NPSR1: variants seen among roughly 807,000 people sequenced by gnomAD.
NPSR1 encodes the protein neuropeptide S receptor 1.
Under a neutral mutation model 46.9 loss-of-function variants are expected in NPSR1, and 48 were observed. The observed-to-expected ratio is 1.02, with a 90% confidence interval of 0.81 to 1.30. The LOEUF (loss-of-function observed/expected upper bound fraction) is 1.30, where lower values mean the gene tolerates loss of function less well. Among genes scored for constraint, NPSR1 ranks in the 50% most tolerant of loss-of-function variants. NPSR1 has a pLI of 0.00. For missense variants in NPSR1, 450 were observed against 449.5 expected (o/e 1.00, Z -0.01); for synonymous variants, 176 against 168.1 (o/e 1.05, Z -0.36).
At chr7:34,840,531 C>A (rs922189651) in intron 6 of NPSR1, among the ~76,000 whole-genome samples, 8 of 152,164 alleles carry the variant, frequency 5.3e-5, no homozygotes, top group Non-Finnish European at 1.0e-4. Flanking sequence ...GAGCAGGTAT[C>A]CCCGGGAAGA....
Position 34,861,655 on chromosome 7 carries a change from G to T in NPSR1, c.1025+12992G>T, listed in dbSNP as rs568122616. Among the ~76,000 whole-genome samples, 7 of 151,696 alleles carry T rather than the reference G, an allele frequency of 4.6e-5. 1 individual carries two copies. The highest frequency in any genetic ancestry group is 1.7e-4 in the African/African-American group (7 of 41,028). ...ACCAATAAATATTAGCTTAATGAAC[G>T]CACAGGTAATATTTACACATGGAGG... On this transcript the variant is annotated intron_variant, in intron 8 of 8. Coordinates refer to the NPSR1 transcript ENST00000359791.
At chr7:34,827,986 C>T (rs1789942002) in intron 5 of NPSR1, among the ~76,000 whole-genome samples, 1 of 152,166 alleles carries the variant, frequency 6.6e-6, no homozygotes, top group South Asian at 2.1e-4. Context: ...TTTCTGAAAT[C>T]ATACCATATT....
At chr7:34,755,786 GA>G (rs200013760) in intron 2 of NPSR1, among the ~76,000 whole-genome samples, 19 of 148,794 alleles carry the variant, frequency 1.3e-4, no homozygotes, top group East Asian at 7.8e-4. Flanking sequence ...CAAGCAGGCA[GA>G]AAAAAAAAAT....
chr7:34,696,824 A>G (rs1225275020), intron 2 of NPSR1, among the ~76,000 whole-genome samples: 2 of 152,046 alleles, frequency 1.3e-5, no homozygotes, highest in Non-Finnish European at 2.9e-5. Context: ...AAACACAAAT[A>G]CATAAAGCAC....
At position 34,658,239 on chromosome 7, in the gene NPSR1, A is replaced by T; in HGVS notation, c.-174A>T. 1.6e-6 allele frequency: 1 copy of T among 643,402 alleles called. No homozygotes were observed. Among genetic ancestry groups the T allele is most frequent in the East Asian group, 2.8e-5 (1 of 35,802 alleles). The allele number at this position is 643,402 out of a possible 1,614,324, so 39.9% of individuals were successfully genotyped here. A position where few individuals can be genotyped will look rare whatever the true frequency, so the allele number is the denominator to read the frequency against. ...TGGTGGTAATTGCCAAGGAGAGAGCAGCACGTAGATCCTCCCTGTCATCAG... is the reference window on the plus strand; with the variant it reads ...TGGTGGTAATTGCCAAGGAGAGAGCTGCACGTAGATCCTCCCTGTCATCAG... On this transcript the variant is annotated 5_prime_UTR_variant, in exon 1 of 9. Transcript: ENST00000360581.
At chr7:34,767,437 A>G (rs1055172845) in intron 2 of NPSR1, among the ~76,000 whole-genome samples, 1 of 152,236 alleles carries the variant, frequency 6.6e-6, no homozygotes, top group Non-Finnish European at 1.5e-5. Context: ...GCAAGATTCA[A>G]GTAGAAATGT....
At chr7:34,799,577 G>A (rs546989969) in intron 3 of NPSR1, among the ~76,000 whole-genome samples, 1 of 150,286 alleles carries the variant, frequency 6.7e-6, no homozygotes, top group African/African-American at 2.4e-5. Flanking sequence ...CACTAAACAT[G>A]CAAAGGAACA....
chr7:34,781,659 C>G (rs977372917), intron 3 of NPSR1, among the ~76,000 whole-genome samples: 4 of 152,156 alleles, frequency 2.6e-5, no homozygotes, highest in African/African-American at 9.7e-5. Flanking sequence ...TTCCTCCTAT[C>G]CCCCAAGAAG....
intron 2 of NPSR1, among the ~76,000 whole-genome samples, chr7:34,686,837 A>C (rs1216509737): frequency 6.6e-5 from 10 of 152,100 alleles, no homozygotes. Context: ...ATTGTATCAC[A>C]GAAAAGTAAA....
chr7:34,680,231 C>T (rs1792555941), intron 1 of NPSR1, among the ~76,000 whole-genome samples: 1 of 151,996 alleles, frequency 6.6e-6, no homozygotes, highest in Admixed American at 6.6e-5. Flanking sequence ...TGATAATCTC[C>T]ACTAAAAATA....
intron 2 of NPSR1, among the ~76,000 whole-genome samples, chr7:34,753,881 A>G (rs753211965): frequency 6.6e-6 from 1 of 152,186 alleles, no homozygotes; most frequent in Non-Finnish European, 1.5e-5. Flanking sequence ...ATTCTAAATG[A>G]ATTTTAAAAA....
chr7:34,847,875 C>G (rs982697802), intron 7 of NPSR1, among the ~76,000 whole-genome samples: 2 of 152,186 alleles, frequency 1.3e-5, no homozygotes, highest in African/African-American at 4.8e-5. Context: ...CACCTTTCAT[C>G]CATTTCTTTT....
intron 2 of NPSR1, chr7:34,752,005 G>A (rs1785562381): frequency 1.2e-6 from 1 of 806,468 alleles, no homozygotes. Context: ...GCGATGGCAT[G>A]GCACACCTGC....
At chr7:34,717,185 T>G (rs773748388) in intron 2 of NPSR1, among the ~76,000 whole-genome samples, 1 of 152,234 alleles carries the variant, frequency 6.6e-6, no homozygotes, top group Non-Finnish European at 1.5e-5. Context: ...CAGGCTGCAG[T>G]GCAATAGCGC....
chr7:34,744,110 T>A (rs1236095370), intron 2 of NPSR1, among the ~76,000 whole-genome samples: 1 of 152,190 alleles, frequency 6.6e-6, no homozygotes, highest in Admixed American at 6.5e-5. Flanking sequence ...GGTGGTGGAT[T>A]TATCTTTTTC....
chr7:34,761,222 G>A (rs1786158452), intron 2 of NPSR1: 1 of 152,554 alleles, frequency 6.6e-6, no homozygotes, highest in Non-Finnish European at 1.5e-5. Flanking sequence ...AGTAAGATTG[G>A]GCTGGAGGAC....
At chr7:34,667,352 G>A (rs1437223116) in intron 1 of NPSR1, among the ~76,000 whole-genome samples, 1 of 152,192 alleles carries the variant, frequency 6.6e-6, no homozygotes. Flanking sequence ...CAGGAGAAAG[G>A]GGGGTAGTCA....
intron 2 of NPSR1, among the ~76,000 whole-genome samples, chr7:34,691,727 A>G (rs971383004): frequency 1.1e-4 from 17 of 152,116 alleles, no homozygotes; most frequent in African/African-American, 4.1e-4. Flanking sequence ...TTACGACTAC[A>G]TATAAGAACA....
chr7:34,867,364 C>T (rs1336282863), intron 8 of NPSR1, among the ~76,000 whole-genome samples: 1 of 151,814 alleles, frequency 6.6e-6, no homozygotes, highest in Non-Finnish European at 1.5e-5. Flanking sequence ...TGATGCCTCA[C>T]AAATCCTCTC....
Sources: gnomAD v4.1 joint callset for allele counts (sites outside exome capture counted in the v4.1 genomes callset) on GRCh38, gnomAD v4.1.1 for gene constraint, MANE v1.5 for transcripts, NCBI Gene and HGNC (gene_info 2026-07-23, HGNC 2026-07-21) for gene names.